The following CDKN2C variants were observed in gnomAD, a reference collection of about 807,000 sequenced individuals.
CDKN2C encodes cyclin dependent kinase inhibitor 2C.
In CDKN2C, 5 loss-of-function variants were observed where a neutral mutation model predicts 11.0. That is an observed-to-expected ratio of 0.45 (90% CI 0.24 to 0.95). CDKN2C has a LOEUF of 0.95. CDKN2C is among the 40% of genes least tolerant of loss of function. CDKN2C has a pLI of 0.21. For synonymous variants in CDKN2C, 79 were observed against 88.3 expected (o/e 0.89, Z 0.59); for missense variants, 161 against 211.9 (o/e 0.76, Z 1.49).
intron 1 of CDKN2C, among the ~76,000 whole-genome samples, chr1:50,970,814 TA>T (rs1241173741): frequency 6.6e-6 from 1 of 152,168 alleles, no homozygotes. Flanking sequence ...GTTTTGTTTT[TA>T]AAGACAGCTC....
At chr1:50,969,378 C>G (rs997456311), upstream of CDKN2C, 1 of 152,294 alleles carries the variant, frequency 6.6e-6, no homozygotes, top group African/African-American at 2.4e-5. This position sits in a 1 kb window ranked among gnomAD's most constrained non-coding sequence, Gnocchi z 6.6. Context: ...AATGCTGCCG[C>G]GAGCTGCCCC....
intron 1 of CDKN2C, among the ~76,000 whole-genome samples, chr1:50,972,939 C>T (rs1156818321): frequency 6.6e-6 from 1 of 152,116 alleles, no homozygotes; most frequent in African/African-American, 2.4e-5. Flanking sequence ...TCCCAAAACA[C>T]CCATTAAATA....
rs555689863 is a variant in CDKN2C, at chr1:50,970,438, T to C, written c.70T>C (p.Leu24=). The change falls in exon 1 of 2, where the codon TTG becomes CTG. Residue 24 remains leucine, a synonymous_variant. Coordinates refer to ENST00000371761, the MANE Select transcript of CDKN2C (RefSeq NM_078626.3). The part of the protein sequence containing the change: ...ARGDLEQLTS[L]LQNNVNVNAQ... ...GGGGGACCTAGAGCAACTTACTAGT[T>C]TGTTGCAAAATAATGTAAACGTCAA... The C allele has an allele frequency of 1.2e-6, 2 of 1,614,106 alleles. No homozygotes were observed. Among genetic ancestry groups the C allele is most frequent in the Non-Finnish European group, 8.5e-7 (1 of 1,179,982 alleles).
chr1:50,969,860 G>T (rs1022195523), upstream of CDKN2C: 11 of 204,602 alleles, frequency 5.4e-5, no homozygotes, highest in Non-Finnish European at 1.0e-4. This position sits in a 1 kb window ranked among gnomAD's most constrained non-coding sequence, Gnocchi z 6.6. Flanking sequence ...TGCCCCTGCA[G>T]TTCTGCCTCA....
chr1:50,963,430 T>C (rs985639754), intron 1 of CDKN2C, among the ~76,000 whole-genome samples: 1 of 152,238 alleles, frequency 6.6e-6, no homozygotes, highest in African/African-American at 2.4e-5. Flanking sequence ...TTATCTCATT[T>C]AATATTTACA....
chr1:50,973,380 T>G (rs1645390420), intron 1 of CDKN2C, among the ~76,000 whole-genome samples: 1 of 152,118 alleles, frequency 6.6e-6, no homozygotes, highest in South Asian at 2.1e-4. Context: ...ACTCATGGAG[T>G]TGGTTTAGAG....
upstream of CDKN2C, among the ~76,000 whole-genome samples, chr1:50,967,180 C>T (rs984650580): frequency 1.3e-5 from 2 of 152,156 alleles, no homozygotes; most frequent in Non-Finnish European, 2.9e-5. Context: ...CTAATATGTC[C>T]TCACACCCTC....
chr1:50,966,363 G>A (rs919042669), upstream of CDKN2C, among the ~76,000 whole-genome samples: 28 of 152,036 alleles, frequency 1.8e-4, no homozygotes, highest in Non-Finnish European at 2.9e-5. Flanking sequence ...CTCCTTAAAT[G>A]ATTATGAACT....
chr1:50,961,279 C>G (rs1645320901), intron 1 of CDKN2C, among the ~76,000 whole-genome samples: 1 of 152,176 alleles, frequency 6.6e-6, no homozygotes, highest in African/African-American at 2.4e-5. Context: ...TCCTCGTGAT[C>G]CGCCCTCCTC....
chr1:50,970,277 C>T lies in CDKN2C; in HGVS notation c.-92C>T. ...CCATCCCAGTCCTTCTGTCAGTCTC[C>T]GATGCCATCATGCAGCCTGGTTAGG... On this transcript the variant is annotated 5_prime_UTR_variant, in exon 1 of 2. Transcript: ENST00000371761. 1.3e-6 allele frequency: 2 copies of T among 1,506,508 alleles called. No individual in the cohort carries two copies. The highest frequency in any genetic ancestry group is 1.8e-6 in the Non-Finnish European group (2 of 1,098,104). 93.3% of individuals were successfully genotyped at this position (1,506,508 alleles called of 1,614,324 possible). A position where few individuals can be genotyped will look rare whatever the true frequency, so the allele number is the denominator to read the frequency against.
chr1:50,961,079 G>A (rs546557118), intron 1 of CDKN2C, among the ~76,000 whole-genome samples: 64 of 151,646 alleles, frequency 4.2e-4, no homozygotes, highest in African/African-American at 1.5e-3. Flanking sequence ...ACTGTGGCCC[G>A]GGCTGGAGTG....
intron 1 of CDKN2C, among the ~76,000 whole-genome samples, chr1:50,963,995 T>C (rs946948462): frequency 6.6e-6 from 1 of 151,672 alleles, no homozygotes; most frequent in Admixed American, 6.6e-5. Context: ...TAATAAATAT[T>C]ATTTATATTT....
upstream of CDKN2C, among the ~76,000 whole-genome samples, chr1:50,967,643 T>C (rs1645353714): frequency 6.6e-6 from 1 of 152,220 alleles, no homozygotes; most frequent in South Asian, 2.1e-4. Context: ...TGCAACCGTG[T>C]TGGATATTTT....
intron 1 of CDKN2C, among the ~76,000 whole-genome samples, chr1:50,962,854 G>A (rs1645332390): frequency 6.6e-6 from 1 of 152,158 alleles, no homozygotes; most frequent in Non-Finnish European, 1.5e-5. Context: ...TTATGAAAAT[G>A]CATGGAAAAT....
upstream of CDKN2C, among the ~76,000 whole-genome samples, chr1:50,965,433 G>A (rs1017728656): frequency 6.6e-6 from 1 of 151,176 alleles, no homozygotes; most frequent in Non-Finnish European, 1.5e-5. Context: ...GGAGGTGGAG[G>A]TTGCAGTGAG....
chr1:50,967,293 G>A (rs754717246), upstream of CDKN2C, among the ~76,000 whole-genome samples: 17 of 152,166 alleles, frequency 1.1e-4, no homozygotes, highest in Non-Finnish European at 2.2e-4. Context: ...TATTTGAAAC[G>A]TCTACATATA....
In CDKN2C at chr1:50,970,387, A is replaced by C. The variant is rs1338001726; in HGVS notation, c.19A>C (p.Asn7His). MAEPWGNELASAAARGD... is the reference protein window; with the variant it reads MAEPWGHELASAAARGD... ...CTAAAGAATGGCCGAGCCTTGGGGG[A>C]ACGAGTTGGCGTCCGCAGCTGCCAG... The change falls in exon 1 of 2, where the codon AAC (asparagine) becomes CAC (histidine). Residue 7 changes from asparagine (N) to histidine (H), a missense_variant. Physicochemically the swap from Asn to His is moderately conservative, Grantham distance 68. Transcript: ENST00000371761. The C allele has an allele frequency of 6.2e-7, 1 of 1,613,952 alleles. No individual in the cohort carries two copies. Among genetic ancestry groups the C allele is most frequent in the Non-Finnish European group, 8.5e-7 (1 of 1,180,012 alleles).
upstream of CDKN2C, among the ~76,000 whole-genome samples, chr1:50,966,954 G>A (rs1322501358): frequency 6.6e-6 from 1 of 152,102 alleles, no homozygotes; most frequent in Non-Finnish European, 1.5e-5. Context: ...ACAACTCTGT[G>A]TACATCTTAA....
At chr1:50,965,396 G>A (rs1645343387), upstream of CDKN2C, among the ~76,000 whole-genome samples, 1 of 151,946 alleles carries the variant, frequency 6.6e-6, no homozygotes, top group Middle Eastern at 3.4e-3. Context: ...TACTCAGGAG[G>A]CTGAGGCAGG....
Sources: gnomAD v4.1 joint callset for allele counts (sites outside exome capture counted in the v4.1 genomes callset) on GRCh38, gnomAD v4.1.1 for gene constraint, Gnocchi (gnomAD v3.1) non-coding constraint, MANE v1.5 for transcripts, NCBI Gene and HGNC (gene_info 2026-07-23, HGNC 2026-07-21) for gene names.